The following SAMTOR variants were observed in gnomAD, a reference collection of about 807,000 sequenced individuals.
The protein encoded by SAMTOR is UPF0532 protein C7orf60.
the SAMTOR span, among the ~76,000 whole-genome samples, chr7:112,822,949 TTTAG>T: frequency 2.0e-5 from 3 of 152,118 alleles, no homozygotes; most frequent in South Asian, 4.1e-4. Context: ...ACAAACTAGA[TTTAG>T]TTAGACAAAT....
the SAMTOR span, among the ~76,000 whole-genome samples, chr7:112,929,620 T>G: frequency 1.8e-4 from 28 of 152,056 alleles, no homozygotes; most frequent in Non-Finnish European, 2.2e-4. Flanking sequence ...GTCAAAGAGA[T>G]ATCTGCAATC....
the SAMTOR span, among the ~76,000 whole-genome samples, chr7:112,888,385 A>T: frequency 1.3e-5 from 2 of 152,160 alleles, no homozygotes; most frequent in Non-Finnish European, 2.9e-5. Context: ...AAAAATTATA[A>T]ATGTTTTTAA....
the SAMTOR span, among the ~76,000 whole-genome samples, chr7:112,824,402 C>G: frequency 6.6e-6 from 1 of 151,708 alleles, no homozygotes; most frequent in Non-Finnish European, 1.5e-5. Flanking sequence ...ACTCTGTTGC[C>G]CAGACTGGAG....
the SAMTOR span, among the ~76,000 whole-genome samples, chr7:112,826,189 T>C: frequency 6.6e-6 from 1 of 152,132 alleles, no homozygotes; most frequent in Admixed American, 6.5e-5. Context: ...ATAGAATGAG[T>C]TGGGAAGTAT....
the SAMTOR span, among the ~76,000 whole-genome samples, chr7:112,883,345 G>A: frequency 6.6e-6 from 1 of 152,080 alleles, no homozygotes; most frequent in African/African-American, 2.4e-5. Flanking sequence ...CACCTGAGAA[G>A]CATGTGTTAA....
chr7:112,878,130 T>C, the SAMTOR span, among the ~76,000 whole-genome samples: 1 of 152,184 alleles, frequency 6.6e-6, no homozygotes, highest in Non-Finnish European at 1.5e-5. Context: ...CATTTCATCA[T>C]GTAACACAAA....
the SAMTOR span, among the ~76,000 whole-genome samples, chr7:112,852,161 G>C: frequency 6.6e-6 from 1 of 152,084 alleles, no homozygotes; most frequent in Non-Finnish European, 1.5e-5. Flanking sequence ...CTTGTATGTT[G>C]ATCACAGCAC....
At chr7:112,897,171 G>C in the SAMTOR span, among the ~76,000 whole-genome samples, 1 of 152,104 alleles carries the variant, frequency 6.6e-6, no homozygotes, top group African/African-American at 2.4e-5. Flanking sequence ...ATAGGGTGTG[G>C]GGACGAGTGC....
the SAMTOR span, among the ~76,000 whole-genome samples, chr7:112,928,128 C>CAACT: frequency 1.3e-5 from 2 of 151,974 alleles, no homozygotes; most frequent in African/African-American, 4.8e-5. Flanking sequence ...TATTACAATG[C>CAACT]AACTGCCTTT....
the SAMTOR span, among the ~76,000 whole-genome samples, chr7:112,869,919 G>T: frequency 2.0e-5 from 3 of 152,170 alleles, no homozygotes; most frequent in Non-Finnish European, 2.9e-5. Flanking sequence ...TCAAAATACA[G>T]TTGGAAGCCT....
chr7:112,854,729 A>G, the SAMTOR span, among the ~76,000 whole-genome samples: 1 of 152,334 alleles, frequency 6.6e-6, no homozygotes, highest in African/African-American at 2.4e-5. Context: ...TTTCAAGAAC[A>G]TATTACTATC....
chr7:112,916,606 C>T, the SAMTOR span, among the ~76,000 whole-genome samples: 1 of 152,144 alleles, frequency 6.6e-6, no homozygotes, highest in Non-Finnish European at 1.5e-5. Flanking sequence ...ACGGTGGGTG[C>T]AGTGCACCGT....
the SAMTOR span, among the ~76,000 whole-genome samples, chr7:112,894,385 C>T: frequency 6.6e-6 from 1 of 152,112 alleles, no homozygotes; most frequent in Non-Finnish European, 1.5e-5. Context: ...ATCACCAAAA[C>T]AGACATCATA....
the SAMTOR span, among the ~76,000 whole-genome samples, chr7:112,888,351 G>A: frequency 6.6e-6 from 1 of 152,062 alleles, no homozygotes; most frequent in South Asian, 2.1e-4. Flanking sequence ...GCCAAATATG[G>A]TAGCATACTT....
chr7:112,826,257 A>C, the SAMTOR span, among the ~76,000 whole-genome samples: 1 of 152,110 alleles, frequency 6.6e-6, no homozygotes, highest in Non-Finnish European at 1.5e-5. Flanking sequence ...TTTCTTCTGT[A>C]AATATTTGGT....
chr7:112,902,435 A>AC, the SAMTOR span, among the ~76,000 whole-genome samples: 4 of 111,370 alleles, frequency 3.6e-5, no homozygotes, highest in African/African-American at 8.2e-5. Context: ...AAAACAAAAA[A>AC]AAACAAAAAA....
the SAMTOR span, chr7:112,915,288 A>C: frequency 6.3e-7 from 1 of 1,586,488 alleles, no homozygotes; most frequent in Non-Finnish European, 8.5e-7. Context: ...AAAAACGTTA[A>C]TTCATAAAAG....
the SAMTOR span, among the ~76,000 whole-genome samples, chr7:112,857,116 C>T: frequency 3.2e-5 from 4 of 124,500 alleles, no homozygotes; most frequent in Middle Eastern, 0.014. Flanking sequence ...GACGGAGTCT[C>T]GCCTGTCGCC....
the SAMTOR span, chr7:112,939,415 G>T: frequency 2.2e-6 from 2 of 919,168 alleles, no homozygotes; most frequent in Non-Finnish European, 3.2e-6. Flanking sequence ...GGGCGGGGAG[G>T]AGCGCGTCTG....
Sources: allele counts gnomAD v4.1 joint callset (sites outside exome capture counted in the v4.1 genomes callset), GRCh38; gene constraint gnomAD v4.1.1; transcripts MANE v1.5; gene names NCBI Gene and HGNC (gene_info 2026-07-23, HGNC 2026-07-21).